The following TFRC variants were observed in gnomAD, a reference collection of about 807,000 sequenced individuals.
TFRC encodes the protein transferrin receptor protein 1.
A neutral mutation model predicts 85.8 loss-of-function variants in TFRC; 35 were observed. The ratio of observed to expected loss-of-function variants is 0.41; its 90% CI spans 0.31 to 0.54. TFRC has a LOEUF of 0.54. TFRC is among the 20% of genes least tolerant of loss of function. The pLI, the probability that TFRC is intolerant of heterozygous loss-of-function variation, is 0.31. For missense variants in TFRC, 828 were observed against 921.5 expected (o/e 0.90, Z 1.31); for synonymous variants, 362 against 328.6 (o/e 1.10, Z -1.10).
chr3:196,062,619 C>T lies in TFRC; in HGVS notation c.1431G>A (p.Lys477=). 1 of 1,609,348 alleles carries T rather than the reference C, an allele frequency of 6.2e-7. No homozygotes were observed. The highest frequency in any genetic ancestry group is 8.5e-7 in the Non-Finnish European group (1 of 1,178,708). ...LEGYLSSLHL[K]AFTYINLDKA... ...TATCCAGATTAATATAAGTGAAAGCCTTTAAATGCAGGGACGAAAGGTATC... is the reference window on the plus strand; with the variant it reads ...TATCCAGATTAATATAAGTGAAAGCTTTTAAATGCAGGGACGAAAGGTATC... Residue 477 remains lysine (K), a synonymous_variant, in exon 13 of 19, where the codon AAG becomes AAA. Coordinates refer to ENST00000360110, the MANE Select transcript of TFRC (RefSeq NM_001128148.3).
At chr3:196,054,577 T>C (rs1360464800) in intron 17 of TFRC, among the ~76,000 whole-genome samples, 1 of 152,374 alleles carries the variant, frequency 6.6e-6, no homozygotes, top group Non-Finnish European at 1.5e-5. Flanking sequence ...GATTTTGCTA[T>C]GTTGCCTGGG....
At position 196,060,257 on chromosome 3, in the gene TFRC, A is replaced by G; in HGVS notation, c.1469-10T>C. On this transcript the variant is annotated splice_polypyrimidine_tract_variant and intron_variant, in intron 13 of 18. Transcript: ENST00000360110. ...TTGAAGTTGCTGGTACCTGAAAATA[A>G]ATTGTTTTATCATTGCCCCTTCTCC... is the stretch of plus-strand genomic sequence containing the variant. The G allele has an allele frequency of 6.2e-7, 1 of 1,613,236 alleles. No individual in the cohort carries two copies. Among genetic ancestry groups the G allele is most frequent in the Non-Finnish European group, 8.5e-7 (1 of 1,179,378 alleles).
chr3:196,073,047 A>AACAAACAAACC (rs756106120), intron 4 of TFRC, among the ~76,000 whole-genome samples: 1 of 110,496 alleles, frequency 9.1e-6, no homozygotes. Context: ...AAAAAAAAAA[A>AACAAACAAACC]AAAAAAAAAA....
chr3:196,067,600 G>C lies in TFRC; in HGVS notation c.958C>G (p.Gln320Glu), dbSNP rs371216994. The change falls in exon 9 of 19, where the codon CAG (glutamine) becomes GAG (glutamate). Residue 320 changes from glutamine to glutamate, a missense_variant. Physicochemically the swap from Gln to Glu is conservative, Grantham distance 29. Coordinates refer to ENST00000360110, the MANE Select transcript of TFRC (RefSeq NM_001128148.3). ...TPGFPSFNHT[Q>E]FPPSRSSGLP... Reference sequence around the variant, plus strand: ...CCTGATGACCGAGATGGTGGAAACTGAGTGTGATTGAAGGAAGGGAATCCA... The same window carrying C: ...CCTGATGACCGAGATGGTGGAAACTCAGTGTGATTGAAGGAAGGGAATCCA... 1 of 1,614,012 alleles carries C rather than the reference G, an allele frequency of 6.2e-7. No individual in the cohort carries two copies. The highest frequency in any genetic ancestry group is 8.5e-7 in the Non-Finnish European group (1 of 1,180,010).
At chr3:196,064,267 G>A (rs1048416962) in intron 11 of TFRC, 42 bp downstream of exon 11, 5 of 1,586,930 alleles carry the variant, frequency 3.2e-6, no homozygotes, top group Non-Finnish European at 4.3e-6. Context: ...AGAACTGTAT[G>A]CAGTGCACCA....
intron 18 of TFRC, among the ~76,000 whole-genome samples, chr3:196,053,069 G>A (rs1486269537): frequency 2.0e-5 from 3 of 151,592 alleles, no homozygotes; most frequent in East Asian, 1.9e-4. Context: ...AGCCGAGACC[G>A]TGCCATTGCA....
In TFRC at chr3:196,075,219, T is replaced by C. The variant is rs368317794; in HGVS notation, c.178A>G (p.Lys60Glu). Reference protein sequence around the residue: ...NNTKANVTKPKRCSGSICYGT... With the variant: ...NNTKANVTKPERCSGSICYGT... The stretch of plus-strand genomic sequence containing the variant: ...TAGCAGATACTTCCACTACACCTTT[T>C]TGGTTTTGTGACATTGGCCTTTGTG... The change falls in exon 3 of 19, where the codon AAA (lysine) becomes GAA (glutamate). Residue 60 changes from lysine (K) to glutamate (E), a missense_variant. Coordinates refer to ENST00000360110, the MANE Select transcript of TFRC (RefSeq NM_001128148.3). 6 of 1,614,174 alleles carry C rather than the reference T, an allele frequency of 3.7e-6. No homozygotes were observed. Among genetic ancestry groups the C allele is most frequent in the Admixed American group, 3.3e-5 (2 of 60,016 alleles).
rs1185055039 is a variant in TFRC at position 196,058,133 on chromosome 3, G to A, written c.1677+151C>T. On this transcript the variant is annotated intron_variant, in intron 16 of 18. Coordinates refer to ENST00000360110, the MANE Select transcript of TFRC (RefSeq NM_001128148.3). Reference sequence around the variant, plus strand: ...AGTAATTTTGTAATCCTCGTCATTTGTCCTTAAAAACTTGTTTTCCTTTAC... The same window carrying A: ...AGTAATTTTGTAATCCTCGTCATTTATCCTTAAAAACTTGTTTTCCTTTAC... 4 of 549,192 alleles carry A rather than the reference G, an allele frequency of 7.3e-6. No individual in the cohort carries two copies. In the East Asian group the frequency reaches 1.2e-4, roughly 17 times the overall value. 34.0% of individuals were successfully genotyped at this position (549,192 alleles called of 1,614,324 possible).
At chr3:196,071,006 G>T (rs1718156154) in intron 6 of TFRC, among the ~76,000 whole-genome samples, 1 of 152,084 alleles carries the variant, frequency 6.6e-6, no homozygotes, top group Admixed American at 6.6e-5. Flanking sequence ...CCCCAGCCAA[G>T]ATGGATATTT....
chr3:196,070,700 G>A (rs1718115499), intron 6 of TFRC, among the ~76,000 whole-genome samples: 1 of 150,996 alleles, frequency 6.6e-6, no homozygotes, highest in Non-Finnish European at 1.5e-5. Context: ...GAGGCTGAGG[G>A]TGGTGAATCA....
At position 196,050,785 on chromosome 3, in the gene TFRC, C is replaced by T. The variant is rs1336221972; in HGVS notation, c.*1157G>A. 5 of 203,684 alleles carry T rather than the reference C, an allele frequency of 2.5e-5. No homozygotes were observed. The East Asian group carries it at 3.0e-4, about 12-fold the overall frequency. The allele number at this position is 203,684 out of a possible 1,614,324, so 12.6% of individuals were successfully genotyped here. A position where few individuals can be genotyped will look rare whatever the true frequency, so the allele number is the denominator to read the frequency against. ...CCAGCATTCTTATCTGGTCAGTGCT[C>T]GCTTCTTAGCAACCCCTAATTAAAT... is the stretch of plus-strand genomic sequence containing the variant. On this transcript the variant is annotated 3_prime_UTR_variant, in exon 19 of 19. Coordinates refer to ENST00000360110, the MANE Select transcript of TFRC (RefSeq NM_001128148.3).
chr3:196,073,976 T>G lies in TFRC; in HGVS notation c.388A>C (p.Lys130Gln), dbSNP rs1474043545. ...RRLYWDDLKR[K>Q]LSEKLDSTDF... ...GTGCTGTCCAGTTTCTCCGACAACT[T>G]TCTCTTCAGGTCATCCCAATATAAG... Residue 130 changes from lysine to glutamine, a missense_variant, in exon 4 of 19, where the codon AAG becomes CAG. Transcript: ENST00000360110. The G allele has an allele frequency of 6.2e-7, 1 of 1,614,176 alleles. No individual in the cohort carries two copies. Among genetic ancestry groups the G allele is most frequent in the South Asian group, 1.1e-5 (1 of 91,082 alleles).
intron 13 of TFRC, among the ~76,000 whole-genome samples, chr3:196,061,782 C>T (rs1717304805): frequency 6.6e-6 from 1 of 152,200 alleles, no homozygotes; most frequent in South Asian, 2.1e-4. Context: ...CACCACTGCG[C>T]CCAGCCCAAA....
At chr3:196,074,380 G>A in intron 3 of TFRC, 1 of 304,044 alleles carries the variant, frequency 3.3e-6, no homozygotes, top group Non-Finnish European at 6.0e-6. Flanking sequence ...ACATGAGACT[G>A]AGCTGCTGCA....
In TFRC at chr3:196,073,939, C is replaced by T; in HGVS notation, c.425G>A (p.Gly142Asp). ...SEKLDSTDFT[G>D]TIKLLNENSY... ...AGCAGCTGGCACTCACTTGATGGTG[C>T]CGGTGAAGTCTGTGCTGTCCAGTTT... Residue 142 changes from glycine to aspartate, a missense_variant, in exon 4 of 19, where the codon GGC (glycine) becomes GAC (aspartate). Transcript: ENST00000360110. The T allele has an allele frequency of 6.2e-7, 1 of 1,612,458 alleles. No individual in the cohort carries two copies.
At chr3:196,075,431 G>A in intron 2 of TFRC, 71 bp from the exon 3 acceptor site, 2 of 1,435,110 alleles carry the variant, frequency 1.4e-6, no homozygotes, top group Non-Finnish European at 2.0e-6. Context: ...TTAGGTATAT[G>A]CTTGTTATTG....
rs1718021801 is a variant in TFRC at position 196,069,586 on chromosome 3, G to T, written c.688-18C>A. 2 of 1,424,418 alleles carry T rather than the reference G, an allele frequency of 1.4e-6. No homozygotes were observed. Among genetic ancestry groups the T allele is most frequent in the African/African-American group, 1.4e-5 (1 of 70,852 alleles). 88.2% of individuals were successfully genotyped at this position (1,424,418 alleles called of 1,614,324 possible). On this transcript the variant is annotated intron_variant, in intron 6 of 18. Coordinates refer to ENST00000360110, the MANE Select transcript of TFRC (RefSeq NM_001128148.3). ...AGTTTACCCTAGAACAAAGACATTA[G>T]ATTTAATGAGCATTATGGTATCGGA...
At chr3:196,063,131 G>A in intron 11 of TFRC, 192 bp from the exon 12 acceptor site, 1 of 526,734 alleles carries the variant, frequency 1.9e-6, no homozygotes, top group Non-Finnish European at 3.3e-6. Context: ...AAGAATAAAA[G>A]AATAGGAATA....
chr3:196,077,862 T>C (rs984073223), intron 1 of TFRC, among the ~76,000 whole-genome samples: 2 of 152,042 alleles, frequency 1.3e-5, no homozygotes, highest in African/African-American at 4.8e-5. Flanking sequence ...GGGGAAGAAA[T>C]ACTGATCCTG....
Sources: gnomAD v4.1 joint callset for allele counts (sites outside exome capture counted in the v4.1 genomes callset) on GRCh38, gnomAD v4.1.1 for gene constraint, MANE v1.5 for transcripts, NCBI Gene and HGNC (gene_info 2026-07-23, HGNC 2026-07-21) for gene names.